The following CD99 variants were observed in gnomAD, a reference collection of about 807,000 sequenced individuals.
CD99 encodes the protein CD99 antigen.
Under a neutral mutation model 28.4 loss-of-function variants are expected in CD99, and 19 were observed. The ratio of observed to expected loss-of-function variants is 0.67; its 90% CI spans 0.47 to 0.98. The LOEUF (loss-of-function observed/expected upper bound fraction) is 0.98, where lower values mean the gene tolerates loss of function less well. Ranked by LOEUF, CD99 falls within the 50% of genes least tolerant of loss-of-function variation. The pLI is 0.00. For missense variants in CD99, 283 were observed against 248.8 expected (o/e 1.14, Z -0.92); for synonymous variants, 103 against 92.1 (o/e 1.12, Z -0.67).
chrX:2,708,849 AT>A (rs1355208105), intron 1 of CD99, among the ~76,000 whole-genome samples: 19 of 152,104 alleles, frequency 1.2e-4, no homozygotes, highest in Non-Finnish European at 2.5e-4. Flanking sequence ...GAAGTTGGCA[AT>A]CCAGGCTTGC....
At chrX:2,725,052 ACT>A (rs1190788692) in intron 7 of CD99, among the ~76,000 whole-genome samples, 2 of 149,620 alleles carry the variant, frequency 1.3e-5, no homozygotes, top group South Asian at 2.1e-4. Context: ...ACAGAGCAAG[ACT>A]CTGTCTCCCC....
intron 9 of CD99, among the ~76,000 whole-genome samples, chrX:2,740,293 T>G (rs1186420398): frequency 1.3e-5 from 2 of 152,170 alleles, no homozygotes; most frequent in Non-Finnish European, 2.9e-5. Flanking sequence ...GGGCGTGGCA[T>G]TCCAGTGTTT....
intron 1 of CD99, among the ~76,000 whole-genome samples, chrX:2,701,857 G>C (rs1399415421): frequency 6.6e-6 from 1 of 152,204 alleles, no homozygotes; most frequent in Non-Finnish European, 1.5e-5. Flanking sequence ...AGTGGAGATA[G>C]AAGAGAAGGC....
rs374562751 is a variant in CD99, at chrX:2,705,731, T to C, written c.68-8691T>C. Among the ~76,000 whole-genome samples, 99 of 152,316 alleles carry C rather than the reference T, an allele frequency of 6.5e-4. 1 individual carries two copies. Among genetic ancestry groups the C allele is most frequent in the African/African-American group, 2.3e-3 (96 of 41,564 alleles). ...CCTGTCTCATGGACGCTTTGTGCCC[T>C]GTGACCGATCGTCTGCCCGGTGTTA... On this transcript the variant is annotated intron_variant, in intron 1 of 9. Transcript: ENST00000381192.
At chrX:2,734,208 T>G (rs909946216) in intron 8 of CD99, among the ~76,000 whole-genome samples, 1 of 149,628 alleles carries the variant, frequency 6.7e-6, no homozygotes, top group Non-Finnish European at 1.5e-5. Context: ...CTTATTTTTT[T>G]CTTTCTTTTC....
At chrX:2,699,243 C>T (rs927996138) in intron 1 of CD99, among the ~76,000 whole-genome samples, 2 of 151,534 alleles carry the variant, frequency 1.3e-5, no homozygotes, top group Admixed American at 1.3e-4. Flanking sequence ...AATCTTGGCT[C>T]ACTGCAACTT....
intron 1 of CD99, chrX:2,691,988 G>A (rs2047329399): frequency 2.7e-6 from 2 of 748,056 alleles, no homozygotes; most frequent in Non-Finnish European, 5.0e-6. Context: ...CGGGCTCCGG[G>A]AATTTCAGCG....
intron 8 of CD99, among the ~76,000 whole-genome samples, chrX:2,730,496 G>A (rs1435840643): frequency 9.2e-5 from 14 of 151,968 alleles, no homozygotes; most frequent in Non-Finnish European, 1.3e-4. Flanking sequence ...TTTTAAAAAA[G>A]CATCCTTTCT....
At position 2,733,846 on chromosome X, in the gene CD99, T is replaced by C. The variant is rs186152444; in HGVS notation, c.476-4354T>C. Reference sequence around the variant, plus strand: ...TGGATTTTTAAATCTTCAACGTTTTTGGCCGTTGACTTGCATTTCTCACTG... The same window carrying C: ...TGGATTTTTAAATCTTCAACGTTTTCGGCCGTTGACTTGCATTTCTCACTG... On this transcript the variant is annotated intron_variant, in intron 8 of 9. Coordinates refer to ENST00000381192, the MANE Select transcript of CD99 (RefSeq NM_002414.5). Among the ~76,000 whole-genome samples the C allele has an allele frequency of 1.7e-3, 263 of 152,366 alleles. 2 individuals carry two copies. The highest frequency in any genetic ancestry group is 5.5e-3 in the African/African-American group (230 of 41,594).
intron 9 of CD99, among the ~76,000 whole-genome samples, chrX:2,740,566 T>C (rs1267643382): frequency 6.6e-6 from 1 of 150,542 alleles, no homozygotes; most frequent in East Asian, 1.9e-4. Flanking sequence ...CTTCTGCTTT[T>C]TCTGCAGCAT....
At chrX:2,733,337 T>C in intron 8 of CD99, 1 of 1,572,904 alleles carries the variant, frequency 6.4e-7, no homozygotes, top group South Asian at 1.2e-5. Flanking sequence ...TTTTTTATCG[T>C]TTTCAACCTT....
intron 8 of CD99, among the ~76,000 whole-genome samples, chrX:2,736,680 A>AC (rs1209854737): frequency 6.6e-6 from 1 of 151,898 alleles, no homozygotes; most frequent in Non-Finnish European, 1.5e-5. Context: ...ACACGGTGGA[A>AC]CCCCATCTCT....
At chrX:2,710,664 G>A (rs1254798713) in intron 1 of CD99, among the ~76,000 whole-genome samples, 1 of 151,932 alleles carries the variant, frequency 6.6e-6, no homozygotes, top group Non-Finnish European at 1.5e-5. Flanking sequence ...TTGGGGTGGA[G>A]GGGGTGGGGA....
chrX:2,721,610 A>C (rs1334306660), intron 5 of CD99, among the ~76,000 whole-genome samples: 1 of 152,158 alleles, frequency 6.6e-6, no homozygotes, highest in African/African-American at 2.4e-5. Context: ...TATTAATCTA[A>C]ATGAAATAAA....
At chrX:2,721,800 A>G (rs181225073) in intron 5 of CD99, among the ~76,000 whole-genome samples, 4 of 152,288 alleles carry the variant, frequency 2.6e-5, no homozygotes, top group Admixed American at 1.3e-4. Flanking sequence ...ACTAATCCCT[A>G]ATTCTGAAAA....
rs1210595387 is a variant in CD99, at chrX:2,731,538, G to A, written c.475+5165G>A. ...CCAGGAGGCAGAGTTGCAGTGAGCCGAGATCGAGCCACTGCACTCCAGCCT... is the reference window on the plus strand; with the variant it reads ...CCAGGAGGCAGAGTTGCAGTGAGCCAAGATCGAGCCACTGCACTCCAGCCT... On this transcript the variant is annotated intron_variant, in intron 8 of 9. Coordinates refer to ENST00000381192, the MANE Select transcript of CD99 (RefSeq NM_002414.5). 3.3e-5 allele frequency among the ~76,000 whole-genome samples: 5 copies of A among 152,148 alleles called. No homozygotes were observed. The East Asian group carries it at 5.8e-4, about 18-fold the overall frequency.
intron 8 of CD99, among the ~76,000 whole-genome samples, chrX:2,734,894 G>A (rs1025660684): frequency 7.9e-5 from 12 of 151,254 alleles, no homozygotes; most frequent in South Asian, 4.2e-4. Flanking sequence ...TGGTTGAGCC[G>A]TAGTTCTAGC....
At chrX:2,703,603 TAA>T (rs1491108050) in intron 1 of CD99, among the ~76,000 whole-genome samples, 2,128 of 136,986 alleles carry the variant, frequency 0.016, 49 homozygotes, top group African/African-American at 0.059. Context: ...ACCGAGCTGT[TAA>T]GTGTGTGTGT....
At chrX:2,733,683 C>T (rs2049792985) in intron 8 of CD99, 1 of 474,736 alleles carries the variant, frequency 2.1e-6, no homozygotes, top group African/African-American at 1.9e-5. Context: ...CAGTGACTTC[C>T]ATGTTTTAAT....
Sources: gnomAD v4.1 joint callset for allele counts (sites outside exome capture counted in the v4.1 genomes callset) on GRCh38, gnomAD v4.1.1 for gene constraint, MANE v1.5 for transcripts, NCBI Gene and HGNC (gene_info 2026-07-23, HGNC 2026-07-21) for gene names.